GRB10: variants seen among roughly 807,000 people sequenced by gnomAD.
The protein encoded by GRB10 is growth factor receptor-bound protein 10.
Under a neutral mutation model 80.9 loss-of-function variants are expected in GRB10, and 20 were observed. That is an observed-to-expected ratio of 0.25 (90% confidence interval 0.17 to 0.36). The LOEUF is 0.36. Among genes scored for constraint, GRB10 ranks in the 10% least tolerant of loss-of-function variants. The probability of loss-of-function intolerance (pLI) is 1.00; values close to 1 mark genes in which losing one functional copy is unlikely to be tolerated. For synonymous variants in GRB10, 291 were observed against 291.5 expected (o/e 1.00, Z 0.02); for missense variants, 548 against 747.7 (o/e 0.73, Z 3.12).
At chr7:50,737,405 C>T (rs1476092095) in intron 3 of GRB10, among the ~76,000 whole-genome samples, 1 of 152,214 alleles carries the variant, frequency 6.6e-6, no homozygotes, top group Non-Finnish European at 1.5e-5. Context: ...TGCTTCCTTC[C>T]CCTTCACCTT....
At chr7:50,721,424 C>A (rs762744303) in intron 4 of GRB10, among the ~76,000 whole-genome samples, 3 of 152,178 alleles carry the variant, frequency 2.0e-5, no homozygotes, top group African/African-American at 7.2e-5. Context: ...TCAACTGCCG[C>A]GGATCACAGA....
chr7:50,746,195 C>G (rs1246764929), intron 3 of GRB10, among the ~76,000 whole-genome samples: 2 of 152,156 alleles, frequency 1.3e-5, no homozygotes, highest in Non-Finnish European at 2.9e-5. Context: ...GATGTAAACC[C>G]ATTTTTAGTT....
At chr7:50,669,586 C>T in intron 7 of GRB10, 136 bp downstream of exon 7, 3 of 848,180 alleles carry the variant, frequency 3.5e-6, no homozygotes, top group Non-Finnish European at 5.7e-6. Context: ...AGTACTGTGA[C>T]AACAAGAAAA....
intron 17 of GRB10, among the ~76,000 whole-genome samples, chr7:50,597,550 G>A (rs1483163139): frequency 1.3e-5 from 2 of 152,242 alleles, no homozygotes; most frequent in South Asian, 2.1e-4. Flanking sequence ...TTTCTCTGCC[G>A]TTAACTATCT....
chr7:50,649,445 T>C (rs2057704929), intron 7 of GRB10, among the ~76,000 whole-genome samples: 1 of 152,150 alleles, frequency 6.6e-6, no homozygotes, highest in Admixed American at 6.5e-5. Flanking sequence ...GAGGTGGACC[T>C]GAGCTGGCAA....
intron 4 of GRB10, among the ~76,000 whole-genome samples, chr7:50,708,652 T>TGG (rs1315298115): frequency 1.4e-5 from 2 of 147,934 alleles, no homozygotes; most frequent in East Asian, 4.0e-4. Context: ...GGGAAGGGAA[T>TGG]GGGGGAGGCC....
chr7:50,665,170 T>A (rs771262655), intron 7 of GRB10, among the ~76,000 whole-genome samples: 1 of 152,210 alleles, frequency 6.6e-6, no homozygotes, highest in Non-Finnish European at 1.5e-5. Flanking sequence ...GGTTCCTCTA[T>A]GCACTCTCCC....
At position 50,679,571 on chromosome 7, in the gene GRB10, C is replaced by T. The variant is rs1453195063; in HGVS notation, c.140-4913G>A. 3.3e-5 allele frequency among the ~76,000 whole-genome samples: 5 copies of T among 151,934 alleles called. No homozygotes were observed. The East Asian group carries it at 9.6e-4, about 29-fold the overall frequency. On this transcript the variant is annotated intron_variant, in intron 5 of 18. Coordinates refer to ENST00000401949, the MANE Select transcript of GRB10 (RefSeq NM_001350814.2). ...GTGTTTAGGACGTGTCCATTACGAT[C>T]CCTTCTTCACAGACCTACACAAGCT...
chr7:50,703,155 TC>T (rs2064489083), intron 5 of GRB10, among the ~76,000 whole-genome samples: 1 of 152,236 alleles, frequency 6.6e-6, no homozygotes, highest in Non-Finnish European at 1.5e-5. Context: ...ATTTTTATAG[TC>T]AACCTTTCTC....
chr7:50,706,173 C>T (rs1040951927), intron 4 of GRB10, among the ~76,000 whole-genome samples: 1 of 152,166 alleles, frequency 6.6e-6, no homozygotes, highest in Non-Finnish European at 1.5e-5. Context: ...GGTCTTTGCA[C>T]CTTTGTTGTA....
intron 5 of GRB10, among the ~76,000 whole-genome samples, chr7:50,685,199 T>A (rs2061977767): frequency 6.6e-6 from 1 of 152,216 alleles, no homozygotes; most frequent in Non-Finnish European, 1.5e-5. Context: ...ACTAACTACA[T>A]CACTTCAGGT....
At chr7:50,623,711 G>A (rs2052326962) in intron 8 of GRB10, among the ~76,000 whole-genome samples, 1 of 152,038 alleles carries the variant, frequency 6.6e-6, no homozygotes. Context: ...CTTCCTTCTG[G>A]GTATAGAAAA....
intron 4 of GRB10, among the ~76,000 whole-genome samples, chr7:50,731,240 C>T (rs760229838): frequency 4.0e-5 from 6 of 151,302 alleles, no homozygotes; most frequent in Non-Finnish European, 7.4e-5. Context: ...GTGTCACATT[C>T]GACGATTAGA....
intron 5 of GRB10, among the ~76,000 whole-genome samples, chr7:50,679,294 C>T (rs1271314918): frequency 6.6e-6 from 1 of 152,178 alleles, no homozygotes; most frequent in Non-Finnish European, 1.5e-5. Flanking sequence ...TTGCATCGGG[C>T]TTATAAATCA....
At chr7:50,676,975 G>A (rs1373461801) in intron 5 of GRB10, among the ~76,000 whole-genome samples, 1 of 152,186 alleles carries the variant, frequency 6.6e-6, no homozygotes, top group Non-Finnish European at 1.5e-5. Flanking sequence ...GAAGAACAGA[G>A]GCCACATTCA....
At chr7:50,630,175 T>C (rs1005011441) in intron 7 of GRB10, among the ~76,000 whole-genome samples, 2 of 152,236 alleles carry the variant, frequency 1.3e-5, no homozygotes, top group Non-Finnish European at 2.9e-5. Context: ...ATCAGTAATG[T>C]AAGCAAAACA....
chr7:50,719,695 A>G lies in GRB10; in HGVS notation c.51+12577T>C, dbSNP rs569814858. Reference sequence around the variant, plus strand: ...ATCCCAAAATTTAAAGTAAAATTTAAAAAATAAAAAAAAAGAGTAACCATC... The same window carrying G: ...ATCCCAAAATTTAAAGTAAAATTTAGAAAATAAAAAAAAAGAGTAACCATC... On this transcript the variant is annotated intron_variant, in intron 4 of 18. Transcript: ENST00000401949. 3.4e-4 allele frequency among the ~76,000 whole-genome samples: 52 copies of G among 152,312 alleles called. 1 individual carries two copies. Among genetic ancestry groups the G allele is most frequent in the African/African-American group, 1.3e-3 (52 of 41,564 alleles).
At chr7:50,633,310 A>T (rs1452590157) in intron 7 of GRB10, among the ~76,000 whole-genome samples, 1 of 152,220 alleles carries the variant, frequency 6.6e-6, no homozygotes, top group African/African-American at 2.4e-5. Flanking sequence ...ATAACCAAGT[A>T]ATTCATAAAA....
At chr7:50,700,552 C>G (rs564622647) in intron 5 of GRB10, among the ~76,000 whole-genome samples, 1 of 152,226 alleles carries the variant, frequency 6.6e-6, no homozygotes, top group Non-Finnish European at 1.5e-5. Flanking sequence ...CTTCTACATT[C>G]CTTATTCTAT....
Sources: allele counts gnomAD v4.1 joint callset (sites outside exome capture counted in the v4.1 genomes callset), GRCh38; gene constraint gnomAD v4.1.1; transcripts MANE v1.5; gene names NCBI Gene and HGNC (gene_info 2026-07-23, HGNC 2026-07-21).